Variants in TLL1 observed in about 807,000 individuals in gnomAD.
TLL1 encodes tolloid-like protein 1.
TLL1 carries 49 observed loss-of-function variants against 128.2 expected under a neutral mutation model. That is an observed-to-expected ratio of 0.38 (90% CI 0.30 to 0.48). TLL1 has a LOEUF of 0.48. TLL1 is among the 20% of genes least tolerant of loss of function. The pLI is 0.96. For synonymous variants in TLL1, 454 were observed against 418.8 expected, an observed-to-expected ratio of 1.08 and a Z score of -1.03; for missense variants, 1,123 against 1,242.0, an observed-to-expected ratio of 0.90 and a Z score of 1.44.
intron 1 of TLL1, among the ~76,000 whole-genome samples, chr4:165,939,513 T>C (rs1733908453): frequency 6.6e-6 from 1 of 152,102 alleles, no homozygotes; most frequent in Non-Finnish European, 1.5e-5. Flanking sequence ...GACATTTTTT[T>C]CAACAGATTT....
chr4:165,985,114 A>T (rs1409222994), intron 1 of TLL1, among the ~76,000 whole-genome samples: 2 of 152,048 alleles, frequency 1.3e-5, no homozygotes, highest in Admixed American at 1.3e-4. Flanking sequence ...TGAGCAATAC[A>T]TACTTCCTGT....
intron 17 of TLL1, among the ~76,000 whole-genome samples, chr4:166,076,931 C>A (rs1741058750): frequency 6.6e-6 from 1 of 152,134 alleles, no homozygotes; most frequent in Non-Finnish European, 1.5e-5. Context: ...ACAGCAGGTG[C>A]ACTAACTAAT....
At chr4:165,915,937 T>C (rs1732757009) in intron 1 of TLL1, among the ~76,000 whole-genome samples, 1 of 152,190 alleles carries the variant, frequency 6.6e-6, no homozygotes, top group Non-Finnish European at 1.5e-5. Flanking sequence ...AAAAGATGAC[T>C]ATCCAAAATG....
chr4:165,913,909 A>T (rs944435328), intron 1 of TLL1, among the ~76,000 whole-genome samples: 3 of 152,100 alleles, frequency 2.0e-5, no homozygotes, highest in African/African-American at 7.2e-5. Context: ...CTAGCTACCC[A>T]GGAGGCTGAG....
At chr4:166,048,832 T>G (rs1739582044) in intron 12 of TLL1, among the ~76,000 whole-genome samples, 1 of 152,200 alleles carries the variant, frequency 6.6e-6, no homozygotes, top group Non-Finnish European at 1.5e-5. Flanking sequence ...CATTCTGATT[T>G]GGTGATACTT....
chr4:166,076,846 C>A (rs1012795516), intron 17 of TLL1, among the ~76,000 whole-genome samples: 2 of 152,152 alleles, frequency 1.3e-5, no homozygotes, highest in East Asian at 3.9e-4. Context: ...AAATACAAAT[C>A]TCCCTGTGGA....
At chr4:165,992,153 C>T (rs1002135434) in intron 2 of TLL1, among the ~76,000 whole-genome samples, 11 of 151,934 alleles carry the variant, frequency 7.2e-5, no homozygotes, top group Non-Finnish European at 2.9e-5. Flanking sequence ...TTTTTACACT[C>T]TGTTTTTTAT....
At chr4:165,880,139 G>T (rs922143716) in intron 1 of TLL1, among the ~76,000 whole-genome samples, 1 of 152,212 alleles carries the variant, frequency 6.6e-6, no homozygotes, top group African/African-American at 2.4e-5. Context: ...AAAGCAGGAG[G>T]AGAGAATCCC....
At chr4:166,074,746 T>C (rs1740943855) in intron 16 of TLL1, 132 bp from the exon 17 acceptor site, 4 of 1,134,884 alleles carry the variant, frequency 3.5e-6, no homozygotes, top group Admixed American at 3.8e-5. Flanking sequence ...TTTTGTTTGT[T>C]TTATGTTGGG....
chr4:166,027,505 A>T (rs1049233182), intron 9 of TLL1, among the ~76,000 whole-genome samples: 4 of 152,190 alleles, frequency 2.6e-5, no homozygotes, highest in Non-Finnish European at 5.9e-5. Context: ...AATAATTTTT[A>T]GGTGCAAAAA....
intron 1 of TLL1, among the ~76,000 whole-genome samples, chr4:165,937,654 T>G (rs1733823473): frequency 6.6e-6 from 1 of 152,098 alleles, no homozygotes; most frequent in Admixed American, 6.6e-5. Flanking sequence ...TTTATGCAAT[T>G]TATTTTAATT....
chr4:165,996,001 T>A (rs1736857782), intron 5 of TLL1, among the ~76,000 whole-genome samples: 1 of 152,142 alleles, frequency 6.6e-6, no homozygotes, highest in Non-Finnish European at 1.5e-5. Flanking sequence ...ACGTGTTTTA[T>A]CCTGCCAAAC....
In TLL1 at chr4:166,078,046, C is replaced by A. The variant is rs767888846; in HGVS notation, c.2442+16C>A. On this transcript the variant is annotated intron_variant, in intron 18 of 20. Transcript: ENST00000061240. Reference sequence around the variant, plus strand: ...AATCAAATTAGTAAGTGAGCACATCCTTTTTCTTTCCATTAAGCTGACTGC... The same window carrying A: ...AATCAAATTAGTAAGTGAGCACATCATTTTTCTTTCCATTAAGCTGACTGC... The A allele has an allele frequency of 1.2e-6, 2 of 1,612,952 alleles. No homozygotes were observed. The highest frequency in any genetic ancestry group is 1.1e-5 in the South Asian group (1 of 91,046).
At chr4:165,953,251 C>T (rs1734612072) in intron 1 of TLL1, among the ~76,000 whole-genome samples, 1 of 151,868 alleles carries the variant, frequency 6.6e-6, no homozygotes, top group African/African-American at 2.4e-5. Context: ...TAGTATTTGT[C>T]CTTTGGTATT....
intron 1 of TLL1, among the ~76,000 whole-genome samples, chr4:165,934,942 T>A (rs1733697688): frequency 6.6e-6 from 1 of 152,222 alleles, no homozygotes; most frequent in Non-Finnish European, 1.5e-5. Context: ...TATAGAATAC[T>A]GCTGGGGAGA....
chr4:166,031,363 C>CTTTTT (rs35799879), intron 9 of TLL1, among the ~76,000 whole-genome samples: 53 of 102,254 alleles, frequency 5.2e-4, no homozygotes, highest in Non-Finnish European at 6.5e-4. Context: ...ATTGCAAGGT[C>CTTTTT]TTTTTTTTTT....
chr4:166,046,049 C>T (rs1389621517), intron 12 of TLL1, among the ~76,000 whole-genome samples: 7 of 152,138 alleles, frequency 4.6e-5, no homozygotes, highest in Non-Finnish European at 7.3e-5. Context: ...TGTCCACCAA[C>T]GGATTGGGAT....
At chr4:165,984,097 A>G (rs1489960294) in intron 1 of TLL1, among the ~76,000 whole-genome samples, 2 of 151,838 alleles carry the variant, frequency 1.3e-5, no homozygotes, top group Non-Finnish European at 2.9e-5. Context: ...CAAACACTAA[A>G]ATAATGGACT....
chr4:165,974,133 CTTTTTTTTTTTTT>C (rs199741025), intron 1 of TLL1, among the ~76,000 whole-genome samples: 5 of 60,748 alleles, frequency 8.2e-5, no homozygotes, highest in Non-Finnish European at 1.3e-4. Flanking sequence ...TGGACCTCAT[CTTTTTTTTTTTTT>C]TTTTTTTTTT....
Sources: allele counts gnomAD v4.1 joint callset (sites outside exome capture counted in the v4.1 genomes callset), GRCh38; gene constraint gnomAD v4.1.1; transcripts MANE v1.5; gene names NCBI Gene and HGNC (gene_info 2026-07-23, HGNC 2026-07-21).